Variants in TMTC1 observed in about 807,000 individuals in gnomAD.
TMTC1 encodes transmembrane O-mannosyltransferase targeting cadherins 1.
TMTC1 carries 73 observed loss-of-function variants against 104.8 expected under a neutral mutation model. The ratio of observed to expected loss-of-function variants is 0.70; its 90% confidence interval spans 0.58 to 0.85. The LOEUF is 0.85. TMTC1 is among the 40% of genes least tolerant of loss of function. The pLI is 0.00. For missense variants in TMTC1, 1,035 were observed against 1,096.1 expected, an observed-to-expected ratio of 0.94 and a Z score of 0.79; for synonymous variants, 434 against 428.7, an observed-to-expected ratio of 1.01 and a Z score of -0.15.
chr12:29,731,112 G>A (rs1392055869), intron 5 of TMTC1, among the ~76,000 whole-genome samples: 1 of 152,180 alleles, frequency 6.6e-6, no homozygotes, highest in Non-Finnish European at 1.5e-5. Flanking sequence ...TTTACTAAAA[G>A]AGAATTTAAT....
intron 5 of TMTC1, among the ~76,000 whole-genome samples, chr12:29,710,575 GTA>G (rs1207186932): frequency 1.4e-5 from 2 of 140,268 alleles, no homozygotes; most frequent in Admixed American, 7.2e-5. Flanking sequence ...TGTATATAAT[GTA>G]TATATATTTA....
At chr12:29,591,351 T>C (rs1463995495) in intron 7 of TMTC1, among the ~76,000 whole-genome samples, 1 of 152,202 alleles carries the variant, frequency 6.6e-6, no homozygotes, top group East Asian at 1.9e-4. Flanking sequence ...CATGCTTTCC[T>C]GGCCTTTGGG....
At chr12:29,724,284 G>A (rs1044193915) in intron 5 of TMTC1, among the ~76,000 whole-genome samples, 12 of 152,158 alleles carry the variant, frequency 7.9e-5, no homozygotes, top group Admixed American at 1.3e-4. Context: ...TCATGAACAC[G>A]CAAACTCTGC....
At chr12:29,739,843 C>T (rs765800821) in intron 5 of TMTC1, among the ~76,000 whole-genome samples, 7 of 151,760 alleles carry the variant, frequency 4.6e-5, no homozygotes, top group East Asian at 3.9e-4. Flanking sequence ...CGAATAGCTG[C>T]GGTTACAGGC....
chr12:29,756,008 T>C (rs1304596500), intron 3 of TMTC1, 123 bp from the exon 4 acceptor site: 5 of 1,030,924 alleles, frequency 4.9e-6, no homozygotes, highest in Non-Finnish European at 6.9e-6. Flanking sequence ...AGCAGGTAAG[T>C]AGAGATTTCT....
intron 5 of TMTC1, among the ~76,000 whole-genome samples, chr12:29,706,691 A>G (rs1301400641): frequency 1.3e-5 from 2 of 152,182 alleles, no homozygotes; most frequent in African/African-American, 4.8e-5. Flanking sequence ...CATAAAAACA[A>G]TTATTTTTAT....
intron 2 of TMTC1, among the ~76,000 whole-genome samples, chr12:29,765,521 TA>T (rs1481891951): frequency 1.3e-5 from 2 of 152,108 alleles, no homozygotes; most frequent in African/African-American, 4.8e-5. Flanking sequence ...CTCCCTATAA[TA>T]AAAAATATAC....
chr12:29,517,483 T>C lies in TMTC1; in HGVS notation c.2113A>G (p.Ile705Val). Reference sequence around the variant, plus strand: ...TGAAGTGCTGCAGCTTCCTGGTAAATCTGCAAAGCCTCTTCGTATCGGCCA... The same window carrying C: ...TGAAGTGCTGCAGCTTCCTGGTAAACCTGCAAAGCCTCTTCGTATCGGCCA... ...NTGRYEEALQ[I>V]YQEAAALQPS... Residue 705 changes from isoleucine (I) to valine (V), a missense_variant, in exon 14 of 18, where the codon ATT (isoleucine) becomes GTT (valine). Transcript: ENST00000539277. The C allele has an allele frequency of 1.2e-6, 2 of 1,614,098 alleles. No individual in the cohort carries two copies. The highest frequency in any genetic ancestry group is 1.7e-6 in the Non-Finnish European group (2 of 1,180,002).
rs201076112 is a variant in TMTC1, at chr12:29,516,442, C to G, written c.2214G>C (p.Lys738Asn). ...AVMGQTKEAEKMTNHIVSEET... is the reference protein window; with the variant it reads ...AVMGQTKEAENMTNHIVSEET... ...CCTCTGACACAATGTGATTGGTCAT[C>G]TTTTCAGCTTCTTTTGTCTGACCCA... Residue 738 changes from lysine to asparagine, a missense_variant, in exon 15 of 18, where the codon AAG becomes AAC. Coordinates refer to ENST00000539277, the MANE Select transcript of TMTC1 (RefSeq NM_001193451.2). The G allele has an allele frequency of 8.1e-6, 13 of 1,614,020 alleles. No individual in the cohort carries two copies. The Middle Eastern group carries it at 6.6e-4, about 82-fold the overall frequency.
chr12:29,571,273 T>A (rs1478714585), intron 9 of TMTC1, among the ~76,000 whole-genome samples: 1 of 152,148 alleles, frequency 6.6e-6, no homozygotes, highest in Non-Finnish European at 1.5e-5. Flanking sequence ...CTATATTTAG[T>A]TATTATGTCT....
chr12:29,754,918 T>C (rs1943179629), intron 4 of TMTC1, among the ~76,000 whole-genome samples: 1 of 152,186 alleles, frequency 6.6e-6, no homozygotes, highest in African/African-American at 2.4e-5. Context: ...GGATTGTTTT[T>C]TCAGATAAAA....
intron 4 of TMTC1, among the ~76,000 whole-genome samples, chr12:29,752,239 T>C (rs1238171466): frequency 6.6e-6 from 1 of 152,166 alleles, no homozygotes; most frequent in Non-Finnish European, 1.5e-5. Context: ...TACATTATTA[T>C]AATCTTGTAA....
rs181213363 is a variant in TMTC1 at position 29,767,100 on chromosome 12, C to A, written c.480+798G>T. ...AAGTAGCTGGAATTACAGGCACCCG[C>A]CACTGCACCTGGCTAAGTTTTTTTG... is the stretch of plus-strand genomic sequence containing the variant. On this transcript the variant is annotated intron_variant, in intron 2 of 17. Transcript: ENST00000539277. 1.9e-3 allele frequency among the ~76,000 whole-genome samples: 289 copies of A among 152,110 alleles called. 4 individuals are homozygous for A. The highest frequency in any genetic ancestry group is 5.5e-3 in the African/African-American group (230 of 41,466).
rs147446346 is a variant in TMTC1, at chr12:29,618,555, A to AT, written c.1129-14257dup. 5.6e-3 allele frequency among the ~76,000 whole-genome samples: 817 copies of AT among 146,514 alleles called. 9 individuals are homozygous for AT. Among genetic ancestry groups the AT allele is most frequent in the Admixed American group, 0.033 (484 of 14,616 alleles). Reference sequence around the variant, plus strand: ...TACATGTAAAAATAAGGAATTTTAGATTTTTTTTTTTTTGATGGAGGGATG... The same window carrying AT: ...TACATGTAAAAATAAGGAATTTTAGATTTTTTTTTTTTTTGATGGAGGGATG... On this transcript the variant is annotated intron_variant, in intron 6 of 17. Transcript: ENST00000539277.
rs1409561823 is a variant in TMTC1, at chr12:29,502,188, T to C, written c.*4658A>G. ...AACCTATATTTGGGAGATACCAACA[T>C]ATAATCAAATCAAAGTAAACATAAT... On this transcript the variant is annotated 3_prime_UTR_variant, in exon 18 of 18. Coordinates refer to ENST00000539277, the MANE Select transcript of TMTC1 (RefSeq NM_001193451.2). The C allele has an allele frequency of 2.6e-5, 4 of 152,116 alleles. No individual in the cohort carries two copies. Among genetic ancestry groups the C allele is most frequent in the African/African-American group, 9.7e-5 (4 of 41,438 alleles). 9.4% of individuals were successfully genotyped at this position (152,116 alleles called of 1,614,324 possible).
intron 5 of TMTC1, among the ~76,000 whole-genome samples, chr12:29,649,391 A>T (rs1054931339): frequency 2.0e-5 from 3 of 152,196 alleles, no homozygotes; most frequent in Admixed American, 2.0e-4. Context: ...TGACTAACAT[A>T]AATACAGTCA....
intron 2 of TMTC1, among the ~76,000 whole-genome samples, chr12:29,759,909 G>A (rs921622875): frequency 6.6e-6 from 1 of 152,042 alleles, no homozygotes; most frequent in Non-Finnish European, 1.5e-5. Context: ...AAATCCATGA[G>A]TCCATACTAA....
chr12:29,745,750 T>C (rs189811375), intron 5 of TMTC1, among the ~76,000 whole-genome samples: 151 of 152,170 alleles, frequency 9.9e-4, no homozygotes, highest in Non-Finnish European at 1.5e-3. Flanking sequence ...TAAACAGTTA[T>C]AAAGTTGTTT....
At chr12:29,679,970 TAAAAAC>T (rs1940859614) in intron 5 of TMTC1, among the ~76,000 whole-genome samples, 2 of 152,306 alleles carry the variant, frequency 1.3e-5, no homozygotes, top group South Asian at 2.1e-4. Flanking sequence ...CTATATAACT[TAAAAAC>T]AAAAAGAATT....
Sources: allele counts gnomAD v4.1 joint callset (sites outside exome capture counted in the v4.1 genomes callset), GRCh38; gene constraint gnomAD v4.1.1; transcripts MANE v1.5; gene names NCBI Gene and HGNC (gene_info 2026-07-23, HGNC 2026-07-21).